DENND5A: variants seen among roughly 807,000 people sequenced by gnomAD.
DENND5A encodes the protein DENN domain-containing protein 5A.
DENND5A carries 64 observed loss-of-function variants against 140.3 expected under a neutral mutation model. The observed-to-expected ratio is 0.46, with a 90% CI of 0.37 to 0.56. The LOEUF is 0.56. Among genes scored for constraint, DENND5A ranks in the 20% least tolerant of loss-of-function variants. The pLI is 0.00. For synonymous variants in DENND5A, 605 were observed against 607.7 expected (o/e 1.00, Z 0.07); for missense variants, 1,292 against 1,593.8 (o/e 0.81, Z 3.22).
intron 5 of DENND5A, among the ~76,000 whole-genome samples, chr11:9,188,203 G>C (rs549728132): frequency 6.6e-5 from 10 of 152,228 alleles, no homozygotes; most frequent in Admixed American, 1.3e-4. Flanking sequence ...TTTATAAGGG[G>C]GAGTTTCCCT....
intron 2 of DENND5A, 90 bp downstream of exon 2, chr11:9,207,471 G>C: frequency 2.1e-6 from 2 of 950,690 alleles, no homozygotes; most frequent in Non-Finnish European, 3.3e-6. Flanking sequence ...AAGAAAGTTA[G>C]AAGGTCAAAG....
rs779119243 is a variant in DENND5A at position 9,206,760 on chromosome 11, T to C, written c.204A>G (p.Pro68=). Residue 68 remains proline (P), a synonymous_variant, in exon 3 of 23, where the codon CCA becomes CCG. Coordinates refer to ENST00000328194, the MANE Select transcript of DENND5A (RefSeq NM_015213.4). ...CCTTAGATTTGAATGTTCTTCTCAA[T>C]GGTGTCTGCTCAAAATTTTCTCCTG... ...TTEGENFEQT[P]LRRTFKSKVL... is the part of the protein sequence containing the mutation. The C allele has an allele frequency of 3.7e-6, 6 of 1,613,456 alleles. No homozygotes were observed. The highest frequency in any genetic ancestry group is 5.1e-6 in the Non-Finnish European group (6 of 1,179,664).
chr11:9,157,534 C>G (rs1847850220), intron 12 of DENND5A, among the ~76,000 whole-genome samples: 1 of 152,144 alleles, frequency 6.6e-6, no homozygotes, highest in Admixed American at 6.6e-5. Context: ...TTCTTTGTGT[C>G]CATGGGTATT....
At chr11:9,141,476 T>C (rs924935211) in intron 22 of DENND5A, among the ~76,000 whole-genome samples, 1 of 151,930 alleles carries the variant, frequency 6.6e-6, no homozygotes, top group African/African-American at 2.4e-5. Flanking sequence ...GCCTACTATA[T>C]GTCTAGCCTG....
chr11:9,215,184 T>TA, intron 1 of DENND5A, among the ~76,000 whole-genome samples: 1 of 152,240 alleles, frequency 6.6e-6, no homozygotes, highest in Non-Finnish European at 1.5e-5. Context: ...CAGATAGTTT[T>TA]AGGTTTGTAT....
At chr11:9,240,884 T>C (rs72859697) in intron 1 of DENND5A, among the ~76,000 whole-genome samples, 7,663 of 152,182 alleles carry the variant, frequency 0.05, 280 homozygotes, top group Non-Finnish European at 0.075. Flanking sequence ...AAACAAAAAA[T>C]GTGGCTGATA....
chr11:9,254,770 T>C (rs190394569), intron 1 of DENND5A, among the ~76,000 whole-genome samples: 4 of 152,136 alleles, frequency 2.6e-5, no homozygotes, highest in Non-Finnish European at 5.9e-5. Context: ...AAATAAGAAG[T>C]CTTATTTAAA....
intron 12 of DENND5A, among the ~76,000 whole-genome samples, chr11:9,157,776 G>C (rs1405547194): frequency 6.6e-6 from 1 of 152,176 alleles, no homozygotes; most frequent in South Asian, 2.1e-4. Context: ...ATTGTGAATA[G>C]TGCTGCAATG....
chr11:9,211,963 A>G (rs1849897232), intron 1 of DENND5A, among the ~76,000 whole-genome samples: 1 of 151,666 alleles, frequency 6.6e-6, no homozygotes, highest in Non-Finnish European at 1.5e-5. Flanking sequence ...ATCTCAACAG[A>G]GAACAGACAT....
At chr11:9,170,934 CATGCAAAATAATATAAA>C in intron 8 of DENND5A, 157 bp from the exon 9 acceptor site, 3 of 1,272,972 alleles carry the variant, frequency 2.4e-6, no homozygotes, top group Non-Finnish European at 3.2e-6. Context: ...GGAAAAAACC[CATGCAAAATAATATAAA>C]ATGATAAACT....
intron 1 of DENND5A, chr11:9,242,671 A>G (rs1321102919): frequency 3.3e-5 from 5 of 152,198 alleles, no homozygotes; most frequent in Non-Finnish European, 1.5e-5. Flanking sequence ...ATTCAATAAA[A>G]AAACAACCAT....
At chr11:9,156,352 G>A (rs1847802035) in intron 12 of DENND5A, among the ~76,000 whole-genome samples, 1 of 152,156 alleles carries the variant, frequency 6.6e-6, no homozygotes, top group African/African-American at 2.4e-5. Flanking sequence ...CCATTATTTT[G>A]CACTGGTTTC....
chr11:9,142,845 G>A lies in DENND5A; in HGVS notation c.3388C>T (p.Arg1130Ter), dbSNP rs1381160481. ...CAGAGCAACAGCGTCAGACTGCCTC[G>A]CTACGTAAGGAAACAGGGGAGGGTG... Reference protein sequence around the residue: ...VKHFHKPEKERGSLTLLLCGE... With the variant: ...VKHFHKPEKE Residue 1130 changes from arginine (R) to a stop codon, truncating the protein, a stop_gained and splice_region_variant, in exon 21 of 23, where the codon CGA becomes TGA. Coordinates refer to ENST00000328194, the MANE Select transcript of DENND5A (RefSeq NM_015213.4). LOFTEE classifies it high-confidence loss of function. 1.9e-6 allele frequency: 3 copies of A among 1,613,806 alleles called. No individual in the cohort carries two copies. The highest frequency in any genetic ancestry group is 8.5e-7 in the Non-Finnish European group (1 of 1,179,898).
chr11:9,179,405 G>A (rs1317474610), intron 6 of DENND5A, among the ~76,000 whole-genome samples: 1 of 152,092 alleles, frequency 6.6e-6, no homozygotes, highest in African/African-American at 2.4e-5. Context: ...AAGGAATGTG[G>A]GAGGTCAATT....
chr11:9,151,787 T>C (rs1285066895), intron 13 of DENND5A, among the ~76,000 whole-genome samples: 1 of 152,212 alleles, frequency 6.6e-6, no homozygotes, highest in African/African-American at 2.4e-5. Context: ...GCTCACTTTG[T>C]GATCTTAAGT....
chr11:9,229,119 C>T (rs934659641), intron 1 of DENND5A, among the ~76,000 whole-genome samples: 2 of 152,040 alleles, frequency 1.3e-5, no homozygotes, highest in South Asian at 4.1e-4. Context: ...CAGTTAGTGT[C>T]AGAATTGAAC....
intron 5 of DENND5A, among the ~76,000 whole-genome samples, chr11:9,190,803 T>C (rs1238467058): frequency 6.6e-6 from 1 of 152,208 alleles, no homozygotes; most frequent in African/African-American, 2.4e-5. Flanking sequence ...TTTATGCTTT[T>C]GTGCACTGTT....
At chr11:9,156,825 G>T (rs1226174135) in intron 12 of DENND5A, among the ~76,000 whole-genome samples, 1 of 150,316 alleles carries the variant, frequency 6.7e-6, no homozygotes, top group Non-Finnish European at 1.5e-5. Flanking sequence ...GGAGGGGAGG[G>T]AAAGGGGAAG....
At chr11:9,233,894 T>C (rs1850882059) in intron 1 of DENND5A, among the ~76,000 whole-genome samples, 1 of 152,100 alleles carries the variant, frequency 6.6e-6, no homozygotes, top group African/African-American at 2.4e-5. Flanking sequence ...TAAACTAATA[T>C]AGGCTGGGTG....
Sources: allele counts gnomAD v4.1 joint callset (sites outside exome capture counted in the v4.1 genomes callset), GRCh38; gene constraint gnomAD v4.1.1; transcripts MANE v1.5; gene names NCBI Gene and HGNC (gene_info 2026-07-23, HGNC 2026-07-21).